The following EPHA6 variants were observed in gnomAD, a reference collection of about 807,000 sequenced individuals.
The protein encoded by EPHA6 is EPH receptor A6.
A neutral mutation model predicts 112.0 loss-of-function variants in EPHA6; 50 were observed. That is an observed-to-expected ratio of 0.45 (90% confidence interval 0.36 to 0.56). The LOEUF is 0.56. Among genes scored for constraint, EPHA6 ranks in the 20% least tolerant of loss-of-function variants. The pLI is 0.00. For missense variants in EPHA6, 1,280 were observed against 1,417.4 expected, an observed-to-expected ratio of 0.90 and a Z score of 1.56; for synonymous variants, 529 against 490.7, an observed-to-expected ratio of 1.08 and a Z score of -1.03.
At chr3:97,291,958 A>T (rs1019811805) in intron 5 of EPHA6, among the ~76,000 whole-genome samples, 3 of 152,224 alleles carry the variant, frequency 2.0e-5, no homozygotes, top group Non-Finnish European at 4.4e-5. Flanking sequence ...CGTGGATCCC[A>T]TACCTGCCAA....
At chr3:97,148,871 G>T (rs1468341900) in intron 3 of EPHA6, among the ~76,000 whole-genome samples, 1 of 152,032 alleles carries the variant, frequency 6.6e-6, no homozygotes, top group Admixed American at 6.6e-5. Flanking sequence ...TTTGAGGGGT[G>T]GGCAAGCATA....
At chr3:97,635,114 A>G (rs1188728864) in intron 13 of EPHA6, among the ~76,000 whole-genome samples, 4 of 152,026 alleles carry the variant, frequency 2.6e-5, no homozygotes, top group African/African-American at 4.8e-5. Context: ...AAAAACATGT[A>G]CTTAGTGCTA....
chr3:97,594,452 C>T (rs758910120), intron 12 of EPHA6, among the ~76,000 whole-genome samples: 11 of 152,132 alleles, frequency 7.2e-5, no homozygotes, highest in Non-Finnish European at 1.5e-4. Flanking sequence ...AAAAAAATTG[C>T]TTCTTAAAAA....
chr3:96,920,558 C>G (rs2039703001), intron 2 of EPHA6, among the ~76,000 whole-genome samples: 1 of 151,946 alleles, frequency 6.6e-6, no homozygotes, highest in African/African-American at 2.4e-5. Context: ...AACCAGTAAA[C>G]ATATTTCTAT....
At chr3:97,151,920 A>C (rs2076181227) in intron 3 of EPHA6, among the ~76,000 whole-genome samples, 1 of 151,986 alleles carries the variant, frequency 6.6e-6, no homozygotes, top group African/African-American at 2.4e-5. Flanking sequence ...AATCATATTT[A>C]GCGTTTTTAT....
In EPHA6 at chr3:97,363,216, AT is replaced by A. The variant is rs1559922982; in HGVS notation, c.1607-41933del. Among the ~76,000 whole-genome samples the A allele has an allele frequency of 8.0e-4, 48 of 59,906 alleles. 3 individuals are homozygous for A. Among genetic ancestry groups the A allele is most frequent in the Non-Finnish European group, 1.1e-3 (37 of 32,606 alleles). 39.3% of individuals were successfully genotyped at this position (59,906 alleles called of 152,430 possible). On this transcript the variant is annotated intron_variant, in intron 5 of 17. Coordinates refer to ENST00000389672, the MANE Select transcript of EPHA6 (RefSeq NM_001080448.3). ...TATATATATATATATATATATATAT[AT>A]ATATATATATATATATATATAAATC...
At chr3:97,642,478 G>A (rs2094017179) in intron 14 of EPHA6, among the ~76,000 whole-genome samples, 1 of 145,838 alleles carries the variant, frequency 6.9e-6, no homozygotes, top group African/African-American at 2.5e-5. Flanking sequence ...GGCTTCAGAC[G>A]ATCAAATTAC....
At chr3:97,423,882 A>G (rs1286789022) in intron 6 of EPHA6, among the ~76,000 whole-genome samples, 1 of 152,208 alleles carries the variant, frequency 6.6e-6, no homozygotes, top group African/African-American at 2.4e-5. Context: ...TACAAAGTCA[A>G]CAAAAACAAG....
At chr3:96,844,633 A>G (rs1301670365) in intron 1 of EPHA6, among the ~76,000 whole-genome samples, 2 of 152,000 alleles carry the variant, frequency 1.3e-5, no homozygotes, top group South Asian at 2.1e-4. Flanking sequence ...TGAAATTATG[A>G]TGAAATATAA....
At chr3:97,304,568 T>C (rs768441996) in intron 5 of EPHA6, among the ~76,000 whole-genome samples, 1 of 151,874 alleles carries the variant, frequency 6.6e-6, no homozygotes, top group East Asian at 1.9e-4. Flanking sequence ...TGGAACAGAA[T>C]AGAGATCTCA....
At chr3:96,827,556 G>C (rs1235229873) in intron 1 of EPHA6, among the ~76,000 whole-genome samples, 1 of 152,060 alleles carries the variant, frequency 6.6e-6, no homozygotes, top group Non-Finnish European at 1.5e-5. Flanking sequence ...AAGTGTGCTA[G>C]AAAGCAATTA....
intron 2 of EPHA6, among the ~76,000 whole-genome samples, chr3:96,917,957 A>G (rs1484367517): frequency 6.6e-6 from 1 of 152,142 alleles, no homozygotes; most frequent in African/African-American, 2.4e-5. Flanking sequence ...GATGGACTCT[A>G]AGGAAGCTCA....
chr3:96,870,277 A>C (rs913256960), intron 2 of EPHA6, among the ~76,000 whole-genome samples: 7 of 152,064 alleles, frequency 4.6e-5, no homozygotes, highest in Non-Finnish European at 8.8e-5. Flanking sequence ...CCTAGTCCAA[A>C]GGCCCGGGGA....
chr3:97,220,522 T>C (rs2078163270), intron 3 of EPHA6, among the ~76,000 whole-genome samples: 1 of 152,184 alleles, frequency 6.6e-6, no homozygotes, highest in Non-Finnish European at 1.5e-5. Context: ...TTTACAATCA[T>C]GGCAGAAGGC....
intron 3 of EPHA6, among the ~76,000 whole-genome samples, chr3:96,989,716 AGAG>A (rs2043148024): frequency 6.6e-6 from 1 of 152,126 alleles, no homozygotes; most frequent in African/African-American, 2.4e-5. Flanking sequence ...CCCTGGCAGC[AGAG>A]GAGAGAGAGA....
At chr3:97,609,745 T>G (rs2093704158) in intron 12 of EPHA6, among the ~76,000 whole-genome samples, 1 of 151,558 alleles carries the variant, frequency 6.6e-6, no homozygotes, top group African/African-American at 2.4e-5. Flanking sequence ...AATTACAATA[T>G]GTAATATTTC....
chr3:97,135,509 A>T (rs988533471), intron 3 of EPHA6, among the ~76,000 whole-genome samples: 7 of 152,150 alleles, frequency 4.6e-5, no homozygotes, highest in Non-Finnish European at 1.0e-4. Context: ...GTCTACCTCA[A>T]TTTTTATTCA....
chr3:96,996,867 C>A (rs985531511), intron 3 of EPHA6, among the ~76,000 whole-genome samples: 1 of 152,042 alleles, frequency 6.6e-6, no homozygotes, highest in African/African-American at 2.4e-5. Context: ...CCAGCCTGTC[C>A]TTTGAAGCTT....
At chr3:97,195,942 A>G (rs2077429874) in intron 3 of EPHA6, among the ~76,000 whole-genome samples, 1 of 151,670 alleles carries the variant, frequency 6.6e-6, no homozygotes, top group African/African-American at 2.4e-5. Context: ...TATGAGTTTG[A>G]TTATTAAATG....
Sources: gnomAD v4.1 joint callset for allele counts (sites outside exome capture counted in the v4.1 genomes callset) on GRCh38, gnomAD v4.1.1 for gene constraint, MANE v1.5 for transcripts, NCBI Gene and HGNC (gene_info 2026-07-23, HGNC 2026-07-21) for gene names.